FNIP2: variants seen among roughly 807,000 people sequenced by gnomAD.
FNIP2 encodes the protein folliculin interacting protein 2.
Under a neutral mutation model 108.7 loss-of-function variants are expected in FNIP2, and 32 were observed. The ratio of observed to expected loss-of-function variants is 0.29; its 90% CI spans 0.22 to 0.40. The LOEUF is 0.40. FNIP2 is among the 10% of genes least tolerant of loss of function. The probability of loss-of-function intolerance (pLI) is 1.00; values close to 1 mark genes in which losing one functional copy is unlikely to be tolerated. For missense variants in FNIP2, 1,202 were observed against 1,381.6 expected (o/e 0.87, Z 2.06); for synonymous variants, 480 against 496.7 (o/e 0.97, Z 0.45).
chr4:158,872,666 A>G, intron 14 of FNIP2: 10 of 985,020 alleles, frequency 1.0e-5, no homozygotes, highest in Non-Finnish European at 1.2e-5. Context: ...CACTTGACAC[A>G]TTCATCATAA....
chr4:158,781,122 GT>G lies in FNIP2; in HGVS notation c.107+11804del, dbSNP rs560333630. Among the ~76,000 whole-genome samples, 472 of 152,068 alleles carry G rather than the reference GT, an allele frequency of 3.1e-3. 1 individual carries two copies. Among genetic ancestry groups the G allele is most frequent in the African/African-American group, 0.01 (429 of 41,496 alleles). On this transcript the variant is annotated intron_variant, in intron 1 of 16. Transcript: ENST00000264433. ...TGTTAATTGTGCAATTATATATGAT[GT>G]GTGAAAAACTAATTAATAATACAAA... is the stretch of plus-strand genomic sequence containing the variant.
At position 158,883,946 on chromosome 4, in the gene FNIP2, G is replaced by A. The variant is rs182291390; in HGVS notation, c.2950-7500G>A. On this transcript the variant is annotated intron_variant, in intron 14 of 16. Transcript: ENST00000264433. ...TCTTACATGCCAAGATACTTAATAA[G>A]CTCTTTTTTTTTTTTTTTTTTTTGT... Among the ~76,000 whole-genome samples the A allele has an allele frequency of 3.2e-5, 4 of 123,520 alleles. No individual in the cohort carries two copies. In the East Asian group the frequency reaches 7.5e-4, roughly 23 times the overall value. 81.0% of individuals were successfully genotyped at this position (123,520 alleles called of 152,430 possible). A position where few individuals can be genotyped will look rare whatever the true frequency, so the allele number is the denominator to read the frequency against.
chr4:158,838,599 G>A (rs949494936), intron 7 of FNIP2, among the ~76,000 whole-genome samples: 2 of 152,114 alleles, frequency 1.3e-5, no homozygotes, highest in Non-Finnish European at 1.5e-5. Flanking sequence ...TTTTCTAGAA[G>A]TTTTAGACTT....
chr4:158,830,472 C>T (rs1778418123), intron 3 of FNIP2, among the ~76,000 whole-genome samples: 1 of 151,860 alleles, frequency 6.6e-6, no homozygotes, highest in Admixed American at 6.6e-5. Flanking sequence ...CCTTGTTAGC[C>T]AGGATGGTCT....
chr4:158,833,773 G>A, intron 6 of FNIP2, 145 bp downstream of exon 6: 1 of 1,473,802 alleles, frequency 6.8e-7, no homozygotes, highest in Non-Finnish European at 9.1e-7. Context: ...TACTTTGTTT[G>A]CCCTCTTCTA....
At chr4:158,788,393 C>T (rs1776293128) in intron 1 of FNIP2, among the ~76,000 whole-genome samples, 1 of 152,250 alleles carries the variant, frequency 6.6e-6, no homozygotes, top group Non-Finnish European at 1.5e-5. Flanking sequence ...TGTATAGGCA[C>T]AAGACAAATG....
chr4:158,861,397 A>G lies in FNIP2; in HGVS notation c.1204A>G (p.Thr402Ala). 6.2e-7 allele frequency: 1 copy of G among 1,614,066 alleles called. No individual in the cohort carries two copies. Residue 402 changes from threonine to alanine, a missense_variant, in exon 11 of 17, where the codon ACT (threonine) becomes GCT (alanine). Transcript: ENST00000264433. ...VPRIAEPVWL[T>A]MMSGTLEKNQ... ...AAGGATAGCTGAACCTGTATGGCTT[A>G]CTATGATGTCCGGCACTTTGGAAAA...
At chr4:158,851,534 T>C (rs1254833976) in intron 8 of FNIP2, 84 bp downstream of exon 8, 4 of 1,530,750 alleles carry the variant, frequency 2.6e-6, no homozygotes, top group Non-Finnish European at 3.5e-6. Flanking sequence ...TCGTGCCTAT[T>C]GTCAGTGGAA....
intron 8 of FNIP2, among the ~76,000 whole-genome samples, chr4:158,852,735 C>T (rs939717956): frequency 1.3e-5 from 2 of 152,160 alleles, no homozygotes; most frequent in Admixed American, 6.5e-5. Context: ...TGTCAGGAGA[C>T]GGCATCGCCA....
chr4:158,799,786 A>C (rs895111748), intron 1 of FNIP2, among the ~76,000 whole-genome samples: 73 of 152,222 alleles, frequency 4.8e-4, no homozygotes, highest in Middle Eastern at 3.2e-3. Flanking sequence ...TTTCAGGGGA[A>C]TTAATGATTA....
intron 8 of FNIP2, among the ~76,000 whole-genome samples, chr4:158,853,848 T>C (rs1344694001): frequency 6.6e-6 from 1 of 152,352 alleles, no homozygotes; most frequent in African/African-American, 2.4e-5. Flanking sequence ...TTCTGACATT[T>C]CCTGTAACTT....
intron 14 of FNIP2, 66 bp from the exon 15 acceptor site, chr4:158,891,380 A>G: frequency 1.4e-6 from 2 of 1,388,258 alleles, no homozygotes; most frequent in South Asian, 2.5e-5. Context: ...ATTTATCAGT[A>G]GTGAAACTTT....
intron 5 of FNIP2, among the ~76,000 whole-genome samples, chr4:158,833,082 T>C (rs967445096): frequency 6.6e-6 from 1 of 152,220 alleles, no homozygotes; most frequent in Non-Finnish European, 1.5e-5. Context: ...TGAAAAAAGT[T>C]GCTGAATTGC....
In FNIP2 at chr4:158,900,340, G is replaced by T. The variant is rs537843999; in HGVS notation, c.3267-4126G>T. On this transcript the variant is annotated intron_variant, in intron 16 of 16. Coordinates refer to ENST00000264433, the MANE Select transcript of FNIP2 (RefSeq NM_020840.3). ...CTGTTGATTTGGGGTGGAGAGTTCT[G>T]TAGATGTCTATTAGGTCTGCTTGGT... Among the ~76,000 whole-genome samples, 62 of 152,320 alleles carry T rather than the reference G, an allele frequency of 4.1e-4. 1 individual carries two copies. The highest frequency in any genetic ancestry group is 1.5e-3 in the African/African-American group (61 of 41,552).
chr4:158,782,051 A>G (rs1182157839), intron 1 of FNIP2, among the ~76,000 whole-genome samples: 2 of 152,172 alleles, frequency 1.3e-5, no homozygotes, highest in Non-Finnish European at 2.9e-5. Flanking sequence ...AGAGACTTAA[A>G]TATTATGTCT....
At chr4:158,769,357 C>G in intron 1 of FNIP2, 38 bp downstream of exon 1, 1 of 1,407,314 alleles carries the variant, frequency 7.1e-7, no homozygotes, top group East Asian at 3.0e-5. Context: ...GCGCGGGACC[C>G]GAGTTGGCTT....
chr4:158,870,433 G>A lies in FNIP2; in HGVS notation c.2913G>A (p.Lys971=). The A allele has an allele frequency of 6.2e-7, 1 of 1,613,914 alleles. No individual in the cohort carries two copies. The highest frequency in any genetic ancestry group is 8.5e-7 in the Non-Finnish European group (1 of 1,179,822). The change falls in exon 14 of 17, where the codon AAG becomes AAA. Residue 971 remains lysine (K), a synonymous_variant. Transcript: ENST00000264433. ...GGACCGGCAGTGATGAGAAGCTGAA[G>A]CAGTGCCTGGTGGCCGACCTTGTCC... The part of the protein sequence containing the change: ...LHGTGSDEKL[K]QCLVADLVHT...
chr4:158,846,205 G>A (rs1779392101), intron 7 of FNIP2, among the ~76,000 whole-genome samples: 1 of 151,956 alleles, frequency 6.6e-6, no homozygotes, highest in Non-Finnish European at 1.5e-5. Context: ...TCTTTGATCT[G>A]CAACCCATGC....
chr4:158,823,016 A>G (rs1255201383), intron 1 of FNIP2, among the ~76,000 whole-genome samples: 2 of 152,158 alleles, frequency 1.3e-5, no homozygotes, highest in Non-Finnish European at 2.9e-5. Context: ...ATCATGATTA[A>G]ATTTTATCTC....
Sources: allele counts gnomAD v4.1 joint callset (sites outside exome capture counted in the v4.1 genomes callset), GRCh38; gene constraint gnomAD v4.1.1; transcripts MANE v1.5; gene names NCBI Gene and HGNC (gene_info 2026-07-23, HGNC 2026-07-21).